Variants in PDLIM5 observed in about 807,000 individuals in gnomAD.
PDLIM5 encodes PDZ and LIM domain 5.
Under a neutral mutation model 64.2 loss-of-function variants are expected in PDLIM5, and 34 were observed. That is an observed-to-expected ratio of 0.53 (90% CI 0.40 to 0.71). The LOEUF (loss-of-function observed/expected upper bound fraction) is 0.71. PDLIM5 is among the 30% of genes least tolerant of loss of function. The pLI, the probability that PDLIM5 is intolerant of heterozygous loss-of-function variation, is 0.00. For synonymous variants in PDLIM5, 253 were observed against 269.1 expected (o/e 0.94, Z 0.59); for missense variants, 683 against 733.6 (o/e 0.93, Z 0.80).
intron 5 of PDLIM5, among the ~76,000 whole-genome samples, chr4:94,577,738 C>T (rs1416101722): frequency 6.6e-6 from 1 of 151,880 alleles, no homozygotes; most frequent in Non-Finnish European, 1.5e-5. Flanking sequence ...ATTCCAAGTT[C>T]AGTAGAAAAA....
intron 2 of PDLIM5, among the ~76,000 whole-genome samples, chr4:94,468,934 A>G (rs990177710): frequency 6.6e-6 from 1 of 152,232 alleles, no homozygotes; most frequent in South Asian, 2.1e-4. Context: ...CACATGGCAC[A>G]TGATATGAAA....
chr4:94,555,507 T>TCATC (rs984297360), intron 3 of PDLIM5, among the ~76,000 whole-genome samples: 3 of 152,234 alleles, frequency 2.0e-5, no homozygotes, highest in African/African-American at 7.2e-5. Flanking sequence ...TATAGATTTG[T>TCATC]CATCTAGTAG....
At chr4:94,535,396 A>G (rs1731230329) in intron 3 of PDLIM5, among the ~76,000 whole-genome samples, 1 of 152,118 alleles carries the variant, frequency 6.6e-6, no homozygotes, top group African/African-American at 2.4e-5. Context: ...TCTCACTAAG[A>G]TGTATTACAG....
At chr4:94,581,765 T>C (rs28690414) in intron 5 of PDLIM5, among the ~76,000 whole-genome samples, 9,748 of 152,298 alleles carry the variant, frequency 0.064, 474 homozygotes, top group African/African-American at 0.13. Context: ...CTATACAGTT[T>C]ATACTTTAGT....
intron 2 of PDLIM5, among the ~76,000 whole-genome samples, chr4:94,469,960 A>ATTTTTTTTTTTTTTT (rs34572366): frequency 4.2e-5 from 3 of 71,554 alleles, no homozygotes; most frequent in East Asian, 4.0e-4. Context: ...CATTCTTTTA[A>ATTTTTTTTTTTTTTT]TTTTTTTTTT....
At chr4:94,603,787 A>G (rs1228369429) in intron 7 of PDLIM5, among the ~76,000 whole-genome samples, 1 of 152,184 alleles carries the variant, frequency 6.6e-6, no homozygotes, top group Non-Finnish European at 1.5e-5. Context: ...CTTCTCGGCT[A>G]GGCACCATGG....
At chr4:94,596,314 A>G (rs1401822513) in intron 7 of PDLIM5, among the ~76,000 whole-genome samples, 3 of 152,176 alleles carry the variant, frequency 2.0e-5, no homozygotes, top group African/African-American at 2.4e-5. Flanking sequence ...TAATATGCCA[A>G]GTTGGCTTTC....
At chr4:94,580,370 C>G (rs1482287245) in intron 5 of PDLIM5, among the ~76,000 whole-genome samples, 2 of 152,118 alleles carry the variant, frequency 1.3e-5, no homozygotes, top group African/African-American at 4.8e-5. Flanking sequence ...ATCAGAGCAA[C>G]TTCATTCCGA....
rs919363863 is a variant in PDLIM5 at position 94,589,829 on chromosome 4, C to T, written c.920+3385C>T. On this transcript the variant is annotated intron_variant, in intron 7 of 12. Coordinates refer to ENST00000317968, the MANE Select transcript of PDLIM5 (RefSeq NM_006457.5). ...GTGCTCTGTCACCCAGGCTGGAGTG[C>T]GATGGTGCGGTATTGGCTTACTGCA... 2.6e-5 allele frequency among the ~76,000 whole-genome samples: 4 copies of T among 151,404 alleles called. No homozygotes were observed. The East Asian group carries it at 5.8e-4, about 22-fold the overall frequency.
intron 7 of PDLIM5, among the ~76,000 whole-genome samples, chr4:94,598,529 C>T (rs914307952): frequency 6.6e-6 from 1 of 152,066 alleles, no homozygotes; most frequent in African/African-American, 2.4e-5. Flanking sequence ...TTCCTCTAAA[C>T]ATTCTCCTTT....
At chr4:94,525,346 A>T (rs1301671179) in intron 3 of PDLIM5, among the ~76,000 whole-genome samples, 1 of 152,120 alleles carries the variant, frequency 6.6e-6, no homozygotes, top group African/African-American at 2.4e-5. Context: ...TGAACTCTAG[A>T]GGTGGAGGTT....
Position 94,520,149 on chromosome 4 carries a change from T to A in PDLIM5, c.97-3575T>A, listed in dbSNP as rs538691545. 7.2e-5 allele frequency among the ~76,000 whole-genome samples: 11 copies of A among 152,306 alleles called. No individual in the cohort carries two copies. In the East Asian group the frequency reaches 1.5e-3, roughly 21 times the overall value. ...TTCCAACATGTACAGCCATGTGTGC[T>A]TGCAACTGAGGTGAGACCACAAAGT... On this transcript the variant is annotated intron_variant, in intron 2 of 12. Transcript: ENST00000317968.
chr4:94,476,655 G>A (rs534414716), intron 2 of PDLIM5, among the ~76,000 whole-genome samples: 3 of 152,078 alleles, frequency 2.0e-5, no homozygotes, highest in Non-Finnish European at 4.4e-5. Context: ...TTGTTGTTCT[G>A]CAGTATTGGT....
chr4:94,470,231 T>C (rs1485106713), intron 2 of PDLIM5, among the ~76,000 whole-genome samples: 1 of 152,178 alleles, frequency 6.6e-6, no homozygotes, highest in Non-Finnish European at 1.5e-5. Context: ...CCCAAAGTGC[T>C]GGGATTACAT....
chr4:94,604,642 G>T (rs1187883277), intron 7 of PDLIM5, among the ~76,000 whole-genome samples: 1 of 151,792 alleles, frequency 6.6e-6, no homozygotes, highest in Non-Finnish European at 1.5e-5. Context: ...TCCAAAAAAA[G>T]AATTAAAGTA....
intron 7 of PDLIM5, among the ~76,000 whole-genome samples, chr4:94,595,615 G>C (rs956724718): frequency 2.6e-5 from 4 of 152,116 alleles, no homozygotes; most frequent in Non-Finnish European, 5.9e-5. Context: ...TGTTTTGTAA[G>C]TTTTTTTAAA....
rs1742957885 is a variant in PDLIM5, at chr4:94,664,300, G to A, written c.*233G>A. ...CCTGTATTTTATGCCCATAAAATAAGCTTTATAAAAACCAATTTCCTGATG... is the reference window on the plus strand; with the variant it reads ...CCTGTATTTTATGCCCATAAAATAAACTTTATAAAAACCAATTTCCTGATG... On this transcript the variant is annotated 3_prime_UTR_variant, in exon 13 of 13. Transcript: ENST00000317968. 8.1e-6 allele frequency: 7 copies of A among 861,686 alleles called. No homozygotes were observed. The highest frequency in any genetic ancestry group is 1.0e-5 in the Non-Finnish European group (7 of 694,786). 53.4% of individuals were successfully genotyped at this position (861,686 alleles called of 1,614,324 possible).
chr4:94,618,017 C>T lies in PDLIM5; in HGVS notation c.934C>T (p.Pro312Ser). 1 of 1,566,854 alleles carries T rather than the reference C, an allele frequency of 6.4e-7. No individual in the cohort carries two copies. The highest frequency in any genetic ancestry group is 8.7e-7 in the Non-Finnish European group (1 of 1,155,474). The part of the protein sequence containing the change: ...NTKKANNSQE[P>S]SPQLASSVAS... ...TTTCCTTTACAGTAACTCTCAGGAG[C>T]CTTCTCCGCAGTTGGCTTCCTCGGT... Residue 312 changes from proline (P) to serine (S), a missense_variant, in exon 8 of 13, where the codon CCT (proline) becomes TCT (serine). By Grantham distance (74) the Pro-to-Ser change is moderately conservative (BLOSUM62 -1). Coordinates refer to ENST00000317968, the MANE Select transcript of PDLIM5 (RefSeq NM_006457.5).
chr4:94,558,812 G>A (rs1222201936), intron 3 of PDLIM5, among the ~76,000 whole-genome samples: 1 of 151,288 alleles, frequency 6.6e-6, no homozygotes, highest in East Asian at 1.9e-4. Flanking sequence ...GATCTCTTTT[G>A]TGTGTGTGTT....
Sources: allele counts gnomAD v4.1 joint callset (sites outside exome capture counted in the v4.1 genomes callset), GRCh38; gene constraint gnomAD v4.1.1; transcripts MANE v1.5; gene names NCBI Gene and HGNC (gene_info 2026-07-23, HGNC 2026-07-21).